Variants in NRG1 observed in about 807,000 individuals in gnomAD.
NRG1 encodes the protein neuregulin 1.
NRG1 carries 18 observed loss-of-function variants against 63.8 expected under a neutral mutation model. That is an observed-to-expected ratio of 0.28 (90% CI 0.19 to 0.42). The LOEUF (loss-of-function observed/expected upper bound fraction) is 0.42, where lower values mean the gene tolerates loss of function less well. Ranked by LOEUF, NRG1 falls within the 10% of genes least tolerant of loss-of-function variation. The probability of loss-of-function intolerance (pLI) is 1.00; values close to 1 mark genes in which losing one functional copy is unlikely to be tolerated. For synonymous variants in NRG1, 302 were observed against 301.3 expected, an observed-to-expected ratio of 1.00 and a Z score of -0.02; for missense variants, 762 against 814.7, an observed-to-expected ratio of 0.94 and a Z score of 0.79.
At chr8:32,258,574 T>G (rs900214022) in intron 1 of NRG1, among the ~76,000 whole-genome samples, 1 of 152,092 alleles carries the variant, frequency 6.6e-6, no homozygotes, top group East Asian at 1.9e-4. Flanking sequence ...AAACGTACAG[T>G]TATGTGGAAG....
chr8:32,491,507 T>C (rs147138614), intron 1 of NRG1, among the ~76,000 whole-genome samples: 10 of 152,326 alleles, frequency 6.6e-5, no homozygotes, highest in African/African-American at 2.4e-4. Flanking sequence ...GAGCAAAATG[T>C]TCTTCTGTGC....
intron 1 of NRG1, among the ~76,000 whole-genome samples, chr8:32,569,848 C>T (rs1281012682): frequency 6.7e-6 from 1 of 150,258 alleles, no homozygotes; most frequent in African/African-American, 2.5e-5. Flanking sequence ...CTCTAGTTTT[C>T]TTTCCTAAAA....
At chr8:32,104,595 C>G (rs1831017837) in intron 1 of NRG1, among the ~76,000 whole-genome samples, 2 of 152,078 alleles carry the variant, frequency 1.3e-5, no homozygotes, top group Non-Finnish European at 2.9e-5. Flanking sequence ...TCAATAATAG[C>G]TTGAAATACA....
At chr8:32,342,882 A>G (rs528216475) in intron 1 of NRG1, among the ~76,000 whole-genome samples, 1 of 152,210 alleles carries the variant, frequency 6.6e-6, no homozygotes, top group Admixed American at 6.5e-5. Flanking sequence ...AGATGGGCTT[A>G]TATTCAGGCA....
Position 31,640,061 on chromosome 8 carries a change from C to T in NRG1, c.37+630C>T. ...CAGCGCCCCGGCTCCGCCGCCCGCT[C>T]GTCGCCGCCGCTGCCGCTGCTGCCA... On this transcript the variant is annotated intron_variant, in intron 1 of 10. Transcript: ENST00000519301. The surrounding 1 kb of genome is among the most constrained non-coding windows in gnomAD (Gnocchi z 6.3). 8.8e-7 allele frequency: 1 copy of T among 1,138,290 alleles called. No homozygotes were observed. The highest frequency in any genetic ancestry group is 1.1e-6 in the Non-Finnish European group (1 of 929,634). The allele number at this position is 1,138,290 out of a possible 1,614,324, so 70.5% of individuals were successfully genotyped here.
chr8:32,209,476 TATAC>T (rs939144070), intron 1 of NRG1, among the ~76,000 whole-genome samples: 9 of 152,328 alleles, frequency 5.9e-5, no homozygotes, highest in Non-Finnish European at 1.3e-4. Flanking sequence ...TTTATAAATT[TATAC>T]ATACCTTTCA....
intron 1 of NRG1, among the ~76,000 whole-genome samples, chr8:32,220,721 C>T (rs1244992201): frequency 6.6e-6 from 1 of 152,172 alleles, no homozygotes; most frequent in Non-Finnish European, 1.5e-5. Flanking sequence ...CAGTGTTTCC[C>T]TGGAAACCCC....
chr8:31,757,440 G>C (rs1563365773), intron 1 of NRG1, among the ~76,000 whole-genome samples: 2 of 152,096 alleles, frequency 1.3e-5, no homozygotes, highest in Non-Finnish European at 2.9e-5. Context: ...CAGGACATTA[G>C]TTTTACATTT....
intron 1 of NRG1, among the ~76,000 whole-genome samples, chr8:32,280,593 T>C (rs1852597492): frequency 6.6e-6 from 1 of 151,568 alleles, no homozygotes; most frequent in African/African-American, 2.4e-5. Flanking sequence ...TATTGCTGAA[T>C]GTGTTTGGGG....
At chr8:31,658,685 A>G (rs1001721108) in intron 1 of NRG1, among the ~76,000 whole-genome samples, 6 of 152,164 alleles carry the variant, frequency 3.9e-5, no homozygotes, top group African/African-American at 1.4e-4. Context: ...CTGGTCTCGA[A>G]TTCCTAACCT....
At chr8:32,438,398 A>G (rs538152477) in intron 1 of NRG1, among the ~76,000 whole-genome samples, 4 of 152,108 alleles carry the variant, frequency 2.6e-5, no homozygotes, top group African/African-American at 9.7e-5. Flanking sequence ...GCTGCATAGT[A>G]TTTCATGCTA....
chr8:32,702,233 A>C (rs1815090766), intron 5 of NRG1, among the ~76,000 whole-genome samples: 1 of 152,240 alleles, frequency 6.6e-6, no homozygotes, highest in South Asian at 2.1e-4. Context: ...ACATCTAAAA[A>C]ATGACTCTAG....
At chr8:32,771,688 A>G (rs1276467673), downstream of NRG1, among the ~76,000 whole-genome samples, 1 of 128,048 alleles carries the variant, frequency 7.8e-6, no homozygotes, top group Non-Finnish European at 1.6e-5. Context: ...CAGGATGTTC[A>G]GACATATTCC....
chr8:31,801,497 CAG>C (rs1399624113), intron 1 of NRG1, among the ~76,000 whole-genome samples: 2 of 152,104 alleles, frequency 1.3e-5, no homozygotes, highest in Non-Finnish European at 2.9e-5. Context: ...TTTTAAGAAG[CAG>C]AGCATTTTCT....
intron 1 of NRG1, among the ~76,000 whole-genome samples, chr8:32,249,626 C>G (rs1349072922): frequency 3.3e-5 from 5 of 152,106 alleles, no homozygotes; most frequent in African/African-American, 1.2e-4. Flanking sequence ...CAAGTGAGTA[C>G]TAAAACCTTG....
At chr8:31,915,580 T>G (rs1376012530) in intron 1 of NRG1, among the ~76,000 whole-genome samples, 1 of 152,148 alleles carries the variant, frequency 6.6e-6, no homozygotes. Flanking sequence ...CAGTTTAGTT[T>G]AATTTGGATA....
intron 5 of NRG1, among the ~76,000 whole-genome samples, chr8:32,716,882 C>A (rs1438865454): frequency 6.6e-6 from 1 of 151,688 alleles, no homozygotes; most frequent in African/African-American, 2.4e-5. Flanking sequence ...GGATGCAGAA[C>A]CCCAATTTTT....
intron 1 of NRG1, among the ~76,000 whole-genome samples, chr8:32,249,867 C>G (rs967552497): frequency 6.6e-6 from 1 of 151,936 alleles, no homozygotes; most frequent in African/African-American, 2.4e-5. Context: ...AAATGGAGAA[C>G]ATTGATTTAT....
intron 1 of NRG1, among the ~76,000 whole-genome samples, chr8:32,115,165 G>A (rs1456599651): frequency 1.3e-5 from 2 of 151,914 alleles, no homozygotes; most frequent in African/African-American, 4.8e-5. Context: ...CAAGTAGCTG[G>A]AATTACAGGC....
Sources: gnomAD v4.1 joint callset for allele counts (sites outside exome capture counted in the v4.1 genomes callset) on GRCh38, gnomAD v4.1.1 for gene constraint, Gnocchi (gnomAD v3.1) non-coding constraint, MANE v1.5 for transcripts, NCBI Gene and HGNC (gene_info 2026-07-23, HGNC 2026-07-21) for gene names.